Variants in FILIP1 observed in about 807,000 individuals in gnomAD.
FILIP1 encodes the protein filamin A interacting protein 1.
A neutral mutation model predicts 102.1 loss-of-function variants in FILIP1; 61 were observed. That is an observed-to-expected ratio of 0.60 (90% CI 0.49 to 0.74). The LOEUF (loss-of-function observed/expected upper bound fraction) is 0.74, where lower values mean the gene tolerates loss of function less well. FILIP1 is among the 30% of genes least tolerant of loss of function. FILIP1 has a pLI of 0.00. For synonymous variants in FILIP1, 491 were observed against 526.9 expected, an observed-to-expected ratio of 0.93 and a Z score of 0.93; for missense variants, 1,314 against 1,441.2, an observed-to-expected ratio of 0.91 and a Z score of 1.43.
intron 1 of FILIP1, among the ~76,000 whole-genome samples, chr6:75,479,623 C>T (rs186464975): frequency 3.9e-5 from 6 of 152,118 alleles, no homozygotes; most frequent in Non-Finnish European, 7.4e-5. Context: ...AATCCCAGCA[C>T]TTTGGGAGGC....
intron 2 of FILIP1, among the ~76,000 whole-genome samples, chr6:75,378,907 T>C (rs1290060175): frequency 6.6e-6 from 1 of 152,152 alleles, no homozygotes; most frequent in East Asian, 1.9e-4. Context: ...AACATAGGTT[T>C]TGCCACCACC....
At chr6:75,439,853 A>G (rs182684719) in intron 1 of FILIP1, among the ~76,000 whole-genome samples, 6 of 152,232 alleles carry the variant, frequency 3.9e-5, no homozygotes, top group African/African-American at 1.4e-4. Context: ...GTAATTCTCA[A>G]TTAAAGAGGG....
At chr6:75,444,767 A>G (rs1057322866) in intron 1 of FILIP1, among the ~76,000 whole-genome samples, 3 of 152,212 alleles carry the variant, frequency 2.0e-5, no homozygotes, top group Non-Finnish European at 4.4e-5. Context: ...TTTAAATTAA[A>G]CTAACTTACA....
intron 1 of FILIP1, among the ~76,000 whole-genome samples, chr6:75,441,524 G>T (rs1457965794): frequency 6.6e-6 from 1 of 152,080 alleles, no homozygotes; most frequent in Non-Finnish European, 1.5e-5. Context: ...TGGTGGCCGG[G>T]TAGAGGGGCT....
intron 1 of FILIP1, among the ~76,000 whole-genome samples, chr6:75,450,289 C>G (rs938472820): frequency 6.6e-6 from 1 of 152,034 alleles, no homozygotes; most frequent in African/African-American, 2.4e-5. Context: ...AAACTAATTA[C>G]TGATTTCAAG....
At chr6:75,448,166 G>C (rs1290245490) in intron 1 of FILIP1, among the ~76,000 whole-genome samples, 2 of 151,858 alleles carry the variant, frequency 1.3e-5, no homozygotes, top group African/African-American at 2.4e-5. Flanking sequence ...ACTTTAACCT[G>C]GGTGGTAAAC....
At chr6:75,305,346 T>C (rs910431006), downstream of FILIP1, among the ~76,000 whole-genome samples, 3 of 152,230 alleles carry the variant, frequency 2.0e-5, no homozygotes, top group Admixed American at 6.5e-5. Flanking sequence ...TTAAATATTT[T>C]TACACTTGAT....
chr6:75,351,934 A>G (rs1030014680), intron 4 of FILIP1, among the ~76,000 whole-genome samples: 3 of 152,214 alleles, frequency 2.0e-5, no homozygotes, highest in South Asian at 2.1e-4. Context: ...CAGTTAGTCT[A>G]TGTGTTCAAA....
At chr6:75,442,539 G>GT (rs1377447130) in intron 1 of FILIP1, among the ~76,000 whole-genome samples, 12 of 150,124 alleles carry the variant, frequency 8.0e-5, no homozygotes, top group African/African-American at 2.7e-4. Flanking sequence ...ATCCCTCGCG[G>GT]TTAGGAGCTG....
chr6:75,413,810 T>C (rs1777160586), intron 2 of FILIP1, among the ~76,000 whole-genome samples: 1 of 150,530 alleles, frequency 6.6e-6, no homozygotes, highest in South Asian at 2.1e-4. Context: ...GTATTGTTCC[T>C]CTACTTCCAG....
rs202060972 is a variant in FILIP1 at position 75,468,600 on chromosome 6, T to A, written c.-7+24814A>T. ...TGCAATAAAAAGTGATGAACAGATA[T>A]AAAGTATAAAATAAAAGTTAGGAAT... On this transcript the variant is annotated intron_variant, in intron 1 of 5. Coordinates refer to ENST00000237172, the MANE Select transcript of FILIP1 (RefSeq NM_015687.5). 9.9e-4 allele frequency among the ~76,000 whole-genome samples: 151 copies of A among 152,234 alleles called. 2 individuals are homozygous for A. The East Asian group carries it at 0.014, about 15-fold the overall frequency.
In FILIP1 at chr6:75,315,175, C is replaced by T; in HGVS notation, c.657G>A (p.Lys219=). 3 of 1,560,288 alleles carry T rather than the reference C, an allele frequency of 1.9e-6. No individual in the cohort carries two copies. The South Asian group carries it at 3.7e-5, about 19-fold the overall frequency. Reference sequence around the variant, plus strand: ...CCTTTTCTTTGCGGGCTTGATAAGCCTTTTCTTGTTCAAGGAGCTTTTTTA... The same window carrying T: ...CCTTTTCTTTGCGGGCTTGATAAGCTTTTTCTTGTTCAAGGAGCTTTTTTA... The part of the protein sequence containing the change: ...ERLKKLLEQE[K]AYQARKEKEN... The change falls in exon 5 of 6, where the codon AAG becomes AAA. Residue 219 remains lysine (K), a synonymous_variant. Transcript: ENST00000237172.
chr6:75,463,370 C>T (rs991403362), intron 1 of FILIP1, among the ~76,000 whole-genome samples: 2 of 152,112 alleles, frequency 1.3e-5, no homozygotes, highest in African/African-American at 4.8e-5. Context: ...TAATTGATTA[C>T]CGTGTTTGTG....
chr6:75,331,502 T>C (rs1474504670), intron 4 of FILIP1, among the ~76,000 whole-genome samples: 1 of 152,172 alleles, frequency 6.6e-6, no homozygotes, highest in African/African-American at 2.4e-5. Flanking sequence ...ATATATATAT[T>C]GCAAGGCTAT....
At chr6:75,440,561 A>T (rs148467940) in intron 1 of FILIP1, among the ~76,000 whole-genome samples, 3 of 152,372 alleles carry the variant, frequency 2.0e-5, no homozygotes, top group Non-Finnish European at 4.4e-5. Flanking sequence ...TCCTGTGTTC[A>T]AGAATCACAT....
chr6:75,296,823 A>G (rs1414585328), intron 6 of FILIP1: 1 of 152,140 alleles, frequency 6.6e-6, no homozygotes, highest in African/African-American at 2.4e-5. Context: ...GGTAGTAATT[A>G]CAACAGTCCA....
chr6:75,482,097 C>T (rs553266902), intron 1 of FILIP1, among the ~76,000 whole-genome samples: 1 of 152,120 alleles, frequency 6.6e-6, no homozygotes, highest in South Asian at 2.1e-4. Flanking sequence ...CAGCATTTCA[C>T]GTGCTCATTT....
Position 75,382,279 on chromosome 6 carries a change from C to T in FILIP1, c.277-19362G>A, listed in dbSNP as rs552971476. Reference sequence around the variant, plus strand: ...TGACTCTCCAAGACCCCTTGCCAAGCCACTGCTGCTGGGAGACAGCCCTAG... The same window carrying T: ...TGACTCTCCAAGACCCCTTGCCAAGTCACTGCTGCTGGGAGACAGCCCTAG... On this transcript the variant is annotated intron_variant, in intron 2 of 5. Transcript: ENST00000237172. Among the ~76,000 whole-genome samples, 7 of 152,338 alleles carry T rather than the reference C, an allele frequency of 4.6e-5. No individual in the cohort carries two copies. In the South Asian group the frequency reaches 1.5e-3, roughly 32 times the overall value.
intron 1 of FILIP1, among the ~76,000 whole-genome samples, chr6:75,484,864 G>A (rs1211096622): frequency 6.6e-6 from 1 of 152,186 alleles, no homozygotes; most frequent in Non-Finnish European, 1.5e-5. Flanking sequence ...TCTTACAGAA[G>A]TCTTAGATAA....
Sources: gnomAD v4.1 joint callset for allele counts (sites outside exome capture counted in the v4.1 genomes callset) on GRCh38, gnomAD v4.1.1 for gene constraint, MANE v1.5 for transcripts, NCBI Gene and HGNC (gene_info 2026-07-23, HGNC 2026-07-21) for gene names.